Variants in RNF2 observed in about 807,000 individuals in gnomAD.
The protein encoded by RNF2 is ring finger protein 2, also known as E3 ubiquitin-protein ligase RING2.
RNF2 carries 6 observed loss-of-function variants against 37.2 expected under a neutral mutation model. The ratio of observed to expected loss-of-function variants is 0.16; its 90% CI spans 0.09 to 0.32. The LOEUF is 0.32. Ranked by LOEUF, RNF2 falls within the 10% of genes least tolerant of loss-of-function variation. RNF2 has a pLI of 1.00. For missense variants in RNF2, 251 were observed against 404.0 expected, an observed-to-expected ratio of 0.62 and a Z score of 3.25; for synonymous variants, 133 against 132.7, an observed-to-expected ratio of 1.00 and a Z score of -0.02.
chr1:185,077,933 C>A (rs987448522), intron 1 of RNF2, among the ~76,000 whole-genome samples: 1 of 151,986 alleles, frequency 6.6e-6, no homozygotes. Context: ...GTAGTATTTT[C>A]GTTTTATTCA....
intron 1 of RNF2, among the ~76,000 whole-genome samples, chr1:185,067,240 A>G (rs1650822649): frequency 1.3e-5 from 2 of 152,254 alleles, no homozygotes; most frequent in Admixed American, 6.5e-5. Context: ...TTGTGTCTTT[A>G]GAAGCTTACA....
chr1:185,091,155 G>A (rs964986593), intron 2 of RNF2, among the ~76,000 whole-genome samples: 2 of 152,146 alleles, frequency 1.3e-5, no homozygotes, highest in African/African-American at 4.8e-5. Flanking sequence ...TTTTGAAGGT[G>A]GACGTTTTCT....
intron 1 of RNF2, among the ~76,000 whole-genome samples, chr1:185,069,092 A>C (rs541521398): frequency 6.6e-6 from 1 of 152,168 alleles, no homozygotes; most frequent in African/African-American, 2.4e-5. Flanking sequence ...ATTTTACAAC[A>C]TAGTGTAAGC....
intron 5 of RNF2, among the ~76,000 whole-genome samples, chr1:185,099,029 C>G (rs1390092043): frequency 1.1e-4 from 17 of 149,384 alleles, no homozygotes; most frequent in African/African-American, 3.9e-4. Context: ...GGATTATAGG[C>G]CCAAGCCACT....
At chr1:185,078,622 A>T (rs1293421064) in intron 1 of RNF2, among the ~76,000 whole-genome samples, 1 of 151,880 alleles carries the variant, frequency 6.6e-6, no homozygotes, top group Non-Finnish European at 1.5e-5. Context: ...GCAGTGGCTC[A>T]CTCCTCCACT....
intron 1 of RNF2, among the ~76,000 whole-genome samples, chr1:185,061,171 AG>A (rs1650590474): frequency 7.1e-6 from 1 of 140,454 alleles, no homozygotes; most frequent in African/African-American, 2.7e-5. Context: ...TCTGACGCCC[AG>A]GCTGGAGTGC....
At chr1:185,083,042 TCAA>T (rs1421956866) in intron 1 of RNF2, among the ~76,000 whole-genome samples, 1 of 152,182 alleles carries the variant, frequency 6.6e-6, no homozygotes, top group Non-Finnish European at 1.5e-5. Context: ...CACCTCAAAT[TCAA>T]CAACTAGAGT....
chr1:185,076,653 A>G (rs1220942575), intron 1 of RNF2, among the ~76,000 whole-genome samples: 1 of 150,370 alleles, frequency 6.7e-6, no homozygotes, highest in Non-Finnish European at 1.5e-5. Context: ...TTGTTTAGGT[A>G]TCTGATTTAT....
intron 1 of RNF2, among the ~76,000 whole-genome samples, chr1:185,050,010 A>G (rs1188005433): frequency 6.6e-6 from 1 of 152,222 alleles, no homozygotes; most frequent in Non-Finnish European, 1.5e-5. Context: ...TTGATGAAAT[A>G]TAGTTGCAGT....
intron 1 of RNF2, among the ~76,000 whole-genome samples, chr1:185,069,472 A>G (rs571400853): frequency 5.4e-4 from 82 of 151,624 alleles, no homozygotes; most frequent in Non-Finnish European, 9.9e-4. Flanking sequence ...AAAAAAAAAA[A>G]AAAGAAATGC....
Position 185,100,327 on chromosome 1 carries a change from G to A in RNF2, c.*26G>A. 1.3e-6 allele frequency: 2 copies of A among 1,498,024 alleles called. No homozygotes were observed. The highest frequency in any genetic ancestry group is 1.8e-6 in the Non-Finnish European group (2 of 1,092,662). 92.8% of individuals were successfully genotyped at this position (1,498,024 alleles called of 1,614,324 possible). ...GCCTTTAAAAACCAATTCTGAGACT[G>A]AACTTTTTTATAGCCTATTTCTTTA... On this transcript the variant is annotated 3_prime_UTR_variant, in exon 7 of 7. Coordinates refer to ENST00000367510, the MANE Select transcript of RNF2 (RefSeq NM_007212.4).
At chr1:185,089,414 A>G (rs1479716854) in intron 2 of RNF2, among the ~76,000 whole-genome samples, 2 of 152,282 alleles carry the variant, frequency 1.3e-5, no homozygotes, top group Non-Finnish European at 2.9e-5. Flanking sequence ...GGATTTTGAT[A>G]TCTGTGGAAG....
chr1:185,070,644 T>C (rs1315117454), intron 1 of RNF2, among the ~76,000 whole-genome samples: 1 of 149,584 alleles, frequency 6.7e-6, no homozygotes, highest in African/African-American at 2.5e-5. Context: ...TTTTCTTTTT[T>C]TTTTTTTTTT....
chr1:185,063,999 T>C (rs1282338049), intron 1 of RNF2, among the ~76,000 whole-genome samples: 2 of 152,234 alleles, frequency 1.3e-5, no homozygotes, highest in African/African-American at 4.8e-5. Context: ...TTAATTGTAT[T>C]GGCAAAGTCC....
intron 1 of RNF2, among the ~76,000 whole-genome samples, chr1:185,059,868 T>G (rs564573447): frequency 2.0e-4 from 30 of 152,360 alleles, no homozygotes; most frequent in Non-Finnish European, 3.8e-4. Context: ...TGTAGAGGTA[T>G]TAGCCTTCAA....
In RNF2 at chr1:185,101,532, C is replaced by T. The variant is rs1376131241; in HGVS notation, c.*1231C>T. 2.6e-5 allele frequency: 4 copies of T among 152,564 alleles called. No individual in the cohort carries two copies. The highest frequency in any genetic ancestry group is 9.6e-5 in the African/African-American group (4 of 41,512). The allele number at this position is 152,564 out of a possible 1,614,324, so 9.5% of individuals were successfully genotyped here. A position where few individuals can be genotyped will look rare whatever the true frequency, so the allele number is the denominator to read the frequency against. On this transcript the variant is annotated 3_prime_UTR_variant, in exon 7 of 7. Transcript: ENST00000367510. ...GTTGACAGATCAGAAATAAGATTGA[C>T]TTGGGTGTTATATTTCATCTCTCTC...
At chr1:185,078,498 C>T (rs1651242003) in intron 1 of RNF2, among the ~76,000 whole-genome samples, 2 of 152,116 alleles carry the variant, frequency 1.3e-5, no homozygotes, top group Admixed American at 6.5e-5. Context: ...TCCTCTTCTC[C>T]CCCTTGATTG....
intron 2 of RNF2, among the ~76,000 whole-genome samples, chr1:185,087,981 A>G (rs1011960950): frequency 6.6e-6 from 1 of 152,182 alleles, no homozygotes; most frequent in Non-Finnish European, 1.5e-5. Context: ...AAGTACTGAT[A>G]AGGCACCAAG....
chr1:185,091,158 C>T (rs901605980), intron 2 of RNF2, among the ~76,000 whole-genome samples: 5 of 152,046 alleles, frequency 3.3e-5, no homozygotes, highest in Admixed American at 6.5e-5. Context: ...TGAAGGTGGA[C>T]GTTTTCTGAG....
Sources: gnomAD v4.1 joint callset for allele counts (sites outside exome capture counted in the v4.1 genomes callset) on GRCh38, gnomAD v4.1.1 for gene constraint, MANE v1.5 for transcripts, NCBI Gene and HGNC (gene_info 2026-07-23, HGNC 2026-07-21) for gene names.